NIBAN1: variants seen among roughly 807,000 people sequenced by gnomAD.
NIBAN1 encodes protein Niban 1.
In NIBAN1, 81 loss-of-function variants were observed where a neutral mutation model predicts 75.1. The ratio of observed to expected loss-of-function variants is 1.08; its 90% CI spans 0.90 to 1.30. NIBAN1 has a LOEUF of 1.30. NIBAN1 is among the 50% of genes most tolerant of loss of function. NIBAN1 has a pLI of 0.00. For missense variants in NIBAN1, 1,133 were observed against 1,128.1 expected, an observed-to-expected ratio of 1.00 and a Z score of -0.06; for synonymous variants, 436 against 424.8, an observed-to-expected ratio of 1.03 and a Z score of -0.32.
Position 184,846,029 on chromosome 1 carries a change from C to A in NIBAN1, c.602-14067G>T, listed in dbSNP as rs1330033927. ...AGCAGTCTGAGATCAAACTGCAAGG[C>A]GGCAGCGAGGCTGGGGGAGGGGCAC... is the stretch of plus-strand genomic sequence containing the variant. On this transcript the variant is annotated intron_variant, in intron 5 of 13. Transcript: ENST00000367511. Among the ~76,000 whole-genome samples, 14 of 86,606 alleles carry A rather than the reference C, an allele frequency of 1.6e-4. 3 individuals are homozygous for A. The South Asian group carries it at 3.4e-3, about 21-fold the overall frequency. The allele number at this position is 86,606 out of a possible 152,430, so 56.8% of individuals were successfully genotyped here. A position where few individuals can be genotyped will look rare whatever the true frequency, so the allele number is the denominator to read the frequency against.
chr1:184,811,132 G>A (rs146448270), intron 9 of NIBAN1, among the ~76,000 whole-genome samples: 1 of 152,332 alleles, frequency 6.6e-6, no homozygotes, highest in African/African-American at 2.4e-5. Context: ...GAATTAACTG[G>A]CTTGGACCCA....
At chr1:184,945,835 ACT>A (rs1658206999) in intron 1 of NIBAN1, among the ~76,000 whole-genome samples, 2 of 152,212 alleles carry the variant, frequency 1.3e-5, no homozygotes, top group African/African-American at 2.4e-5. Context: ...CAGCATCATG[ACT>A]CTGTGGGAAG....
rs766151449 is a variant in NIBAN1 at position 184,823,727 on chromosome 1, C to T, written c.733G>A (p.Val245Met). ...GDEIQILSNLVMEELLPTLQT... is the reference protein window; with the variant it reads ...GDEIQILSNLMMEELLPTLQT... Reference sequence around the variant, plus strand: ...AGAGTGGGCAGGAGCTCCTCCATCACCAGGTTACTCAGGATCTGCGCAGCA... The same window carrying T: ...AGAGTGGGCAGGAGCTCCTCCATCATCAGGTTACTCAGGATCTGCGCAGCA... The change falls in exon 7 of 14, where the codon GTG (valine) becomes ATG (methionine). Residue 245 changes from valine to methionine, a missense_variant. Val to Met is a conservative substitution (Grantham distance 21). Coordinates refer to ENST00000367511, the MANE Select transcript of NIBAN1 (RefSeq NM_052966.4). The T allele has an allele frequency of 8.1e-6, 13 of 1,613,980 alleles. No individual in the cohort carries two copies. The highest frequency in any genetic ancestry group is 6.7e-5 in the Admixed American group (4 of 59,998).
At position 184,899,244 on chromosome 1, in the gene NIBAN1, A is replaced by T; in HGVS notation, c.121T>A (p.Cys41Ser). ...TCTACTTCAGTGCGCACGTGATTGC[A>T]GAAAGCCACAGAGTACTGACGACTG... The part of the protein sequence containing the change: ...YYSRQYSVAF[C>S]NHVRTEVEQQ... The change falls in exon 2 of 14, where the codon TGC (cysteine) becomes AGC (serine). Residue 41 changes from cysteine to serine, a missense_variant. Physicochemically the swap from Cys to Ser is moderately radical, Grantham distance 112. Transcript: ENST00000367511. 1 of 1,614,026 alleles carries T rather than the reference A, an allele frequency of 6.2e-7. No homozygotes were observed. The highest frequency in any genetic ancestry group is 8.5e-7 in the Non-Finnish European group (1 of 1,179,880).
chr1:184,862,189 C>T (rs1413962182), intron 5 of NIBAN1, among the ~76,000 whole-genome samples: 1 of 152,142 alleles, frequency 6.6e-6, no homozygotes, highest in Non-Finnish European at 1.5e-5. Context: ...CCGAATGCTC[C>T]CCCTGCCCGG....
intron 1 of NIBAN1, among the ~76,000 whole-genome samples, chr1:184,961,590 A>G (rs955686473): frequency 6.6e-6 from 1 of 152,150 alleles, no homozygotes; most frequent in Non-Finnish European, 1.5e-5. Flanking sequence ...TTCTTGCTAA[A>G]CTGAACCTGA....
intron 5 of NIBAN1, among the ~76,000 whole-genome samples, chr1:184,852,186 G>T (rs187925036): frequency 7.2e-5 from 11 of 152,222 alleles, no homozygotes; most frequent in Non-Finnish European, 5.9e-5. Context: ...ATTGTTTGGT[G>T]TGGTTTACTC....
At chr1:184,902,364 T>C (rs1252677519) in intron 1 of NIBAN1, among the ~76,000 whole-genome samples, 1 of 152,164 alleles carries the variant, frequency 6.6e-6, no homozygotes, top group Non-Finnish European at 1.5e-5. Context: ...TGCTCACATG[T>C]TAAATGAAGA....
Position 184,958,364 on chromosome 1 carries a change from T to TCACACACACACACA in NIBAN1, c.55+15924_55+15937dup, listed in dbSNP as rs3035788. Among the ~76,000 whole-genome samples the TCACACACACACACA allele has an allele frequency of 9.2e-3, 1,316 of 142,656 alleles. 11 individuals carry two copies. The highest frequency in any genetic ancestry group is 0.014 in the Middle Eastern group (4 of 286). 93.6% of individuals were successfully genotyped at this position (142,656 alleles called of 152,430 possible). A position where few individuals can be genotyped will look rare whatever the true frequency, so the allele number is the denominator to read the frequency against. ...CACTCCAGCTTGTGTGACAGAGGAG[T>TCACACACACACACA]CACACACACACACACACACACACAC... On this transcript the variant is annotated intron_variant, in intron 1 of 13. Transcript: ENST00000367511.
In NIBAN1 at chr1:184,960,603, ACAC is replaced by A. The variant is rs1350744800; in HGVS notation, c.55+13696_55+13698del. The stretch of plus-strand genomic sequence containing the variant: ...ACATTCTAGTGGTGGCAGACAGACA[ACAC>A]CAACAACAACAACAAAATGTTGTTG... On this transcript the variant is annotated intron_variant, in intron 1 of 13. Coordinates refer to ENST00000367511, the MANE Select transcript of NIBAN1 (RefSeq NM_052966.4). Among the ~76,000 whole-genome samples, 18 of 148,236 alleles carry A rather than the reference ACAC, an allele frequency of 1.2e-4. 1 individual carries two copies. Among genetic ancestry groups the A allele is most frequent in the South Asian group, 6.6e-4 (3 of 4,556 alleles).
chr1:184,838,034 T>C (rs1007188294), intron 5 of NIBAN1, among the ~76,000 whole-genome samples: 1 of 152,164 alleles, frequency 6.6e-6, no homozygotes, highest in African/African-American at 2.4e-5. Context: ...TGGTGCAAAT[T>C]ATACCAAGTC....
chr1:184,970,948 T>G (rs560771200), intron 1 of NIBAN1, among the ~76,000 whole-genome samples: 12 of 151,254 alleles, frequency 7.9e-5, no homozygotes, highest in East Asian at 3.9e-4. Flanking sequence ...TGTTTTGGGG[T>G]TTTTTTTTAA....
intron 2 of NIBAN1, among the ~76,000 whole-genome samples, chr1:184,894,850 G>A (rs1656759209): frequency 6.6e-6 from 1 of 152,216 alleles, no homozygotes. Flanking sequence ...TGATATATGT[G>A]CTGTGCGGGC....
At chr1:184,855,455 ATT>A (rs199891269) in intron 5 of NIBAN1, among the ~76,000 whole-genome samples, 1 of 149,406 alleles carries the variant, frequency 6.7e-6, no homozygotes, top group Admixed American at 6.7e-5. Flanking sequence ...TCCCATACTT[ATT>A]TTTTTTTTAA....
intron 1 of NIBAN1, among the ~76,000 whole-genome samples, chr1:184,947,585 C>A (rs1471423844): frequency 6.6e-6 from 1 of 152,166 alleles, no homozygotes; most frequent in African/African-American, 2.4e-5. Flanking sequence ...TGGCTTTGAC[C>A]AAATAATCCT....
At chr1:184,941,417 A>G (rs1225363830) in intron 1 of NIBAN1, among the ~76,000 whole-genome samples, 1 of 152,160 alleles carries the variant, frequency 6.6e-6, no homozygotes, top group Non-Finnish European at 1.5e-5. Flanking sequence ...TAGGAGGCCG[A>G]GGCAGGTAGA....
intron 1 of NIBAN1, among the ~76,000 whole-genome samples, chr1:184,970,103 G>A (rs189304934): frequency 3.5e-4 from 53 of 150,450 alleles, no homozygotes; most frequent in African/African-American, 1.2e-3. Context: ...CAGGGAGGTC[G>A]AGGCTGCAGT....
Position 184,795,206 on chromosome 1 carries a change from A to G in NIBAN1, c.2558T>C (p.Leu853Pro), listed in dbSNP as rs569087170. The change falls in exon 14 of 14, where the codon CTC becomes CCC. Residue 853 changes from leucine (L) to proline (P), a missense_variant. Transcript: ENST00000367511. ...GCTLGSDPIC[L>P]SESQVSEEQE... ...TTCCTCAGAAACCTGGCTCTCACTGAGGCAGATGGGGTCAGAACCTAAGGT... is the reference window on the plus strand; with the variant it reads ...TTCCTCAGAAACCTGGCTCTCACTGGGGCAGATGGGGTCAGAACCTAAGGT... 8.7e-6 allele frequency: 14 copies of G among 1,614,118 alleles called. No individual in the cohort carries two copies. In the African/African-American group the frequency reaches 1.6e-4, roughly 18 times the overall value.
At position 184,798,098 on chromosome 1, in the gene NIBAN1, C is replaced by A. The variant is rs369869274; in HGVS notation, c.1647G>T (p.Leu549=). ...TCTTACCTTTCAGAGTTTCATCAAG[C>A]AGGATCTGATGTAAAATCTCCTCAT... is the stretch of plus-strand genomic sequence containing the variant. The part of the protein sequence containing the change: ...NVYEEILHQI[L]LDETLKVIKE... The change falls in exon 13 of 14, where the codon CTG becomes CTT. Residue 549 remains leucine (L), a synonymous_variant. Transcript: ENST00000367511. 3.7e-6 allele frequency: 6 copies of A among 1,609,928 alleles called. No homozygotes were observed. The highest frequency in any genetic ancestry group is 5.1e-6 in the Non-Finnish European group (6 of 1,176,948).
Sources: allele counts gnomAD v4.1 joint callset (sites outside exome capture counted in the v4.1 genomes callset), GRCh38; gene constraint gnomAD v4.1.1; transcripts MANE v1.5; gene names NCBI Gene and HGNC (gene_info 2026-07-23, HGNC 2026-07-21).